ZNF385D: variants seen among roughly 807,000 people sequenced by gnomAD.
ZNF385D encodes zinc finger protein 659.
Under a neutral mutation model 35.8 loss-of-function variants are expected in ZNF385D, and 15 were observed. That is an observed-to-expected ratio of 0.42 (90% confidence interval 0.28 to 0.64). The LOEUF (loss-of-function observed/expected upper bound fraction) is 0.64, where lower values mean the gene tolerates loss of function less well. ZNF385D is among the 30% of genes least tolerant of loss of function. The pLI, the probability that ZNF385D is intolerant of heterozygous loss-of-function variation, is 0.23. For synonymous variants in ZNF385D, 212 were observed against 186.8 expected, an observed-to-expected ratio of 1.13 and a Z score of -1.10; for missense variants, 474 against 494.6, an observed-to-expected ratio of 0.96 and a Z score of 0.39.
intron 2 of ZNF385D, among the ~76,000 whole-genome samples, chr3:21,608,913 G>C (rs1057180286): frequency 1.3e-5 from 2 of 152,130 alleles, no homozygotes; most frequent in South Asian, 2.1e-4. Flanking sequence ...CAGATGATGA[G>C]ACTTCACTGA....
chr3:22,249,982 G>T (rs1699983505), intron 2 of ZNF385D, among the ~76,000 whole-genome samples: 1 of 152,140 alleles, frequency 6.6e-6, no homozygotes, highest in East Asian at 1.9e-4. Flanking sequence ...ATTACCCAAA[G>T]CAACTATACA....
intron 2 of ZNF385D, among the ~76,000 whole-genome samples, chr3:22,213,007 T>C (rs756827841): frequency 1.3e-5 from 2 of 152,044 alleles, no homozygotes; most frequent in Non-Finnish European, 2.9e-5. Context: ...GTGAATAAGA[T>C]ACTATTTTTT....
At chr3:21,897,192 G>C (rs1021884594) in intron 3 of ZNF385D, among the ~76,000 whole-genome samples, 9 of 152,086 alleles carry the variant, frequency 5.9e-5, no homozygotes, top group Non-Finnish European at 1.2e-4. Context: ...AGAATGCTTA[G>C]ACCAGAGAAT....
chr3:22,226,860 C>T (rs1477329982), intron 2 of ZNF385D, among the ~76,000 whole-genome samples: 2 of 152,084 alleles, frequency 1.3e-5, no homozygotes, highest in African/African-American at 4.8e-5. Flanking sequence ...ATGTTGTAAT[C>T]CTGACAACTC....
intron 3 of ZNF385D, among the ~76,000 whole-genome samples, chr3:21,964,195 G>T (rs1243788382): frequency 6.6e-6 from 1 of 151,468 alleles, no homozygotes; most frequent in Admixed American, 6.6e-5. Flanking sequence ...AAAAATCAAG[G>T]TAAGTTTAAA....
intron 2 of ZNF385D, among the ~76,000 whole-genome samples, chr3:21,605,582 G>A (rs1393734825): frequency 2.0e-5 from 3 of 152,120 alleles, no homozygotes; most frequent in Non-Finnish European, 4.4e-5. Context: ...TAACTAAAAG[G>A]GATCTCTGCC....
chr3:22,242,936 G>C (rs1322044491), intron 2 of ZNF385D, among the ~76,000 whole-genome samples: 2 of 150,934 alleles, frequency 1.3e-5, no homozygotes, highest in East Asian at 3.9e-4. Context: ...ACAAATCTTA[G>C]GAGAAAAGCT....
rs191631913 is a variant in ZNF385D at position 22,352,692 on chromosome 3, T to C, written c.106+19758A>G. On this transcript the variant is annotated intron_variant, in intron 2 of 5. Transcript: ENST00000494108. ...AGGTTTTCACCAAGCAATTCCAAAT[T>C]ATAAGCAAATCTGAGTAATTCATTC... Among the ~76,000 whole-genome samples the C allele has an allele frequency of 5.5e-4, 83 of 152,276 alleles. 1 individual carries two copies. Among genetic ancestry groups the C allele is most frequent in the African/African-American group, 1.9e-3 (80 of 41,564 alleles).
chr3:21,905,256 T>C (rs1292583004), intron 3 of ZNF385D, among the ~76,000 whole-genome samples: 1 of 145,716 alleles, frequency 6.9e-6, no homozygotes, highest in Middle Eastern at 3.5e-3. Flanking sequence ...TTATTTTTAA[T>C]GTTATAAAGG....
chr3:21,595,461 T>C (rs926598910), intron 2 of ZNF385D, among the ~76,000 whole-genome samples: 27 of 149,198 alleles, frequency 1.8e-4, no homozygotes, highest in Middle Eastern at 3.6e-3. Context: ...AATATGTATA[T>C]GTAATATATA....
At chr3:22,317,026 C>T (rs762036289) in intron 2 of ZNF385D, among the ~76,000 whole-genome samples, 8 of 151,796 alleles carry the variant, frequency 5.3e-5, no homozygotes, top group Non-Finnish European at 8.8e-5. Flanking sequence ...CCCTGAAATC[C>T]GAACACTTTG....
chr3:22,350,758 T>C (rs1408566375), intron 2 of ZNF385D, among the ~76,000 whole-genome samples: 1 of 152,142 alleles, frequency 6.6e-6, no homozygotes, highest in African/African-American at 2.4e-5. Flanking sequence ...AGAGTGCTCC[T>C]TTTGAATGTG....
At chr3:21,428,808 C>A (rs1257005195) in intron 5 of ZNF385D, among the ~76,000 whole-genome samples, 5 of 151,960 alleles carry the variant, frequency 3.3e-5, no homozygotes, top group Non-Finnish European at 7.4e-5. Flanking sequence ...GACTATTTTT[C>A]TTTTATCACC....
intron 3 of ZNF385D, among the ~76,000 whole-genome samples, chr3:22,121,229 T>C (rs564016588): frequency 1.9e-4 from 29 of 152,266 alleles, no homozygotes; most frequent in African/African-American, 7.0e-4. Flanking sequence ...CTGTAAATAA[T>C]TGACCAGCCA....
chr3:21,701,670 C>G (rs1376291457), intron 1 of ZNF385D, among the ~76,000 whole-genome samples: 1 of 152,160 alleles, frequency 6.6e-6, no homozygotes, highest in African/African-American at 2.4e-5. Context: ...GCCTATGAAC[C>G]TGTAAAATCA....
chr3:21,817,881 A>G (rs892201645), intron 3 of ZNF385D, among the ~76,000 whole-genome samples: 5 of 152,234 alleles, frequency 3.3e-5, no homozygotes, highest in African/African-American at 1.2e-4. Flanking sequence ...ATGCACAGGT[A>G]TGTTTATTGT....
intron 3 of ZNF385D, among the ~76,000 whole-genome samples, chr3:21,986,997 C>CT (rs1221342922): frequency 2.4e-5 from 2 of 84,366 alleles, no homozygotes. Context: ...CAACCCCTGC[C>CT]TTTTTTTGTT....
chr3:22,028,642 G>A (rs1329597864), intron 3 of ZNF385D, among the ~76,000 whole-genome samples: 1 of 152,164 alleles, frequency 6.6e-6, no homozygotes, highest in Admixed American at 6.5e-5. Flanking sequence ...CTTCTGCCAA[G>A]ACTACCATCT....
At chr3:22,241,925 C>A (rs1007122894) in intron 2 of ZNF385D, among the ~76,000 whole-genome samples, 1 of 150,684 alleles carries the variant, frequency 6.6e-6, no homozygotes, top group Non-Finnish European at 1.5e-5. Flanking sequence ...AAAGGAGCTT[C>A]TTTAAACAGA....
Sources: allele counts gnomAD v4.1 joint callset (sites outside exome capture counted in the v4.1 genomes callset), GRCh38; gene constraint gnomAD v4.1.1; transcripts MANE v1.5; gene names NCBI Gene and HGNC (gene_info 2026-07-23, HGNC 2026-07-21).